The following PRSS3 variants were observed in gnomAD, a reference collection of about 807,000 sequenced individuals.
PRSS3 encodes the protein trypsin-3.
A neutral mutation model predicts 20.8 loss-of-function variants in PRSS3; 14 were observed. That is an observed-to-expected ratio of 0.67 (90% confidence interval 0.44 to 1.05). The LOEUF is 1.05. Among genes scored for constraint, PRSS3 ranks in the 50% least tolerant of loss-of-function variants. The probability of loss-of-function intolerance (pLI) is 0.00; values close to 1 mark genes in which losing one functional copy is unlikely to be tolerated. For synonymous variants in PRSS3, 91 were observed against 117.6 expected (o/e 0.77, Z 1.46); for missense variants, 237 against 306.4 (o/e 0.77, Z 1.69).
intron 1 of PRSS3, among the ~76,000 whole-genome samples, chr9:33,784,840 G>C (rs1263653827): frequency 6.6e-6 from 1 of 152,158 alleles, no homozygotes; most frequent in Non-Finnish European, 1.5e-5. Flanking sequence ...ATACTTGATA[G>C]TGTTGATATT....
At chr9:33,794,302 C>CA (rs986703979), upstream of PRSS3, among the ~76,000 whole-genome samples, 1 of 152,202 alleles carries the variant, frequency 6.6e-6, no homozygotes. Context: ...AACCTGAGCT[C>CA]AGAGTTGCTG....
chr9:33,785,160 A>AATTTTTTTT (rs1824338236), intron 1 of PRSS3, among the ~76,000 whole-genome samples: 3 of 72,500 alleles, frequency 4.1e-5, no homozygotes, highest in African/African-American at 2.3e-4. Flanking sequence ...ATTGTGGTCA[A>AATTTTTTTT]TTTTTTTTTT....
rs35501160 is a variant in PRSS3, at chr9:33,779,867, T to TAAA, written c.-52-14852_-52-14850dup. Among the ~76,000 whole-genome samples, 275 of 31,856 alleles carry TAAA rather than the reference T, an allele frequency of 8.6e-3. 38 individuals carry two copies. The highest frequency in any genetic ancestry group is 0.035 in the African/African-American group (213 of 6,144). The allele number at this position is 31,856 out of a possible 152,430, so 20.9% of individuals were successfully genotyped here. The stretch of plus-strand genomic sequence containing the variant: ...CTGGGTGACAGAGCGAGACTCTGTC[T>TAAA]AAAAAAAAAAAAAAAAAAAAAAAAA... On this transcript the variant is annotated intron_variant, in intron 1 of 5. Coordinates refer to the PRSS3 transcript ENST00000342836.
chr9:33,798,043 T>A lies in PRSS3; in HGVS notation c.415T>A (p.Cys139Ser). ...CACCCCTCCAGCTGCTGGCACTGAG[T>A]GCCTCATCTCCGGCTGGGGCAACAC... Reference protein sequence around the residue: ...PTTPPAAGTECLISGWGNTLS... With the variant: ...PTTPPAAGTESLISGWGNTLS... Residue 139 changes from cysteine to serine, a missense_variant, in exon 3 of 5, where the codon TGC becomes AGC. Coordinates refer to ENST00000379405, the MANE Select transcript of PRSS3 (RefSeq NM_002771.4). The A allele has an allele frequency of 6.2e-7, 1 of 1,614,264 alleles. No individual in the cohort carries two copies. The highest frequency in any genetic ancestry group is 8.5e-7 in the Non-Finnish European group (1 of 1,180,042).
intron 1 of PRSS3, among the ~76,000 whole-genome samples, chr9:33,760,873 T>C (rs1188986875): frequency 6.6e-6 from 1 of 151,094 alleles, no homozygotes; most frequent in Admixed American, 6.6e-5. Context: ...GTGTTCTTGT[T>C]AGATAGTGAG....
chr9:33,792,767 A>T (rs1033148190), upstream of PRSS3, among the ~76,000 whole-genome samples: 22 of 152,226 alleles, frequency 1.4e-4, no homozygotes, highest in African/African-American at 5.3e-4. Flanking sequence ...TTCTTAACTT[A>T]TATGAGTTAC....
At chr9:33,791,248 C>T (rs1247436591), upstream of PRSS3, among the ~76,000 whole-genome samples, 1 of 152,220 alleles carries the variant, frequency 6.6e-6, no homozygotes, top group African/African-American at 2.4e-5. Context: ...AAGCAAAGTG[C>T]AGAACCTGCT....
At chr9:33,757,251 A>T (rs1051613689) in intron 1 of PRSS3, among the ~76,000 whole-genome samples, 18 of 152,216 alleles carry the variant, frequency 1.2e-4, no homozygotes, top group African/African-American at 4.3e-4. Context: ...TTTCTATTGA[A>T]AAAGCTCTGA....
At chr9:33,790,241 A>G (rs1396360081) in intron 1 of PRSS3, among the ~76,000 whole-genome samples, 9 of 152,226 alleles carry the variant, frequency 5.9e-5, no homozygotes. Context: ...ATACAATTAG[A>G]TCATACAATA....
At chr9:33,767,318 A>G (rs1823478994) in intron 1 of PRSS3, among the ~76,000 whole-genome samples, 1 of 151,828 alleles carries the variant, frequency 6.6e-6, no homozygotes, top group Non-Finnish European at 1.5e-5. Context: ...GTAAAAAATA[A>G]AGGGAAATGT....
chr9:33,798,429 CCTT>C, intron 3 of PRSS3, 54 bp from the exon 4 acceptor site: 2 of 1,604,334 alleles, frequency 1.2e-6, no homozygotes, highest in South Asian at 1.1e-5. Flanking sequence ...ATTATTGTCT[CCTT>C]CTCTGGCCTC....
At chr9:33,798,873 G>A (rs1002458291) in intron 4 of PRSS3, 155 bp from the exon 5 acceptor site, 21 of 1,139,842 alleles carry the variant, frequency 1.8e-5, no homozygotes, top group East Asian at 2.4e-5. Context: ...TGTGCTGCAC[G>A]CTGCCTGCTT....
chr9:33,786,542 G>A, intron 1 of PRSS3: 1 of 765,584 alleles, frequency 1.3e-6, no homozygotes, highest in South Asian at 1.3e-5. Flanking sequence ...TGTGTTCAGT[G>A]CTGTCATCTC....
upstream of PRSS3, among the ~76,000 whole-genome samples, chr9:33,795,038 G>A (rs1824841048): frequency 6.6e-6 from 1 of 152,162 alleles, no homozygotes; most frequent in African/African-American, 2.4e-5. Context: ...CAAAGTCTTG[G>A]ATTTGACCTT....
intron 1 of PRSS3, among the ~76,000 whole-genome samples, chr9:33,779,177 C>T (rs778410872): frequency 6.6e-6 from 1 of 152,184 alleles, no homozygotes; most frequent in Non-Finnish European, 1.5e-5. Flanking sequence ...ATTCAAAAAA[C>T]CACAGCATCC....
At chr9:33,796,841 G>A (rs772094278) in intron 2 of PRSS3, 39 bp downstream of exon 2, 7 of 1,613,652 alleles carry the variant, frequency 4.3e-6, no homozygotes, top group African/African-American at 2.7e-5. Flanking sequence ...TCCCAGCCAG[G>A]CTGCCTGGGA....
intron 1 of PRSS3, among the ~76,000 whole-genome samples, chr9:33,758,677 C>G (rs1182001473): frequency 6.6e-6 from 1 of 152,118 alleles, no homozygotes; most frequent in Non-Finnish European, 1.5e-5. Flanking sequence ...AGAGGATTCG[C>G]ACATATGCTA....
chr9:33,765,026 T>C (rs1182679223), intron 1 of PRSS3, among the ~76,000 whole-genome samples: 1 of 152,208 alleles, frequency 6.6e-6, no homozygotes, highest in Non-Finnish European at 1.5e-5. Context: ...AAACTGGAAC[T>C]CTAATACATT....
At chr9:33,771,303 G>A (rs1233652744) in intron 1 of PRSS3, among the ~76,000 whole-genome samples, 1 of 151,152 alleles carries the variant, frequency 6.6e-6, no homozygotes, top group Non-Finnish European at 1.5e-5. Context: ...TGAGAGTGAG[G>A]GGTTTCTTTT....
Sources: gnomAD v4.1 joint callset for allele counts (sites outside exome capture counted in the v4.1 genomes callset) on GRCh38, gnomAD v4.1.1 for gene constraint, MANE v1.5 for transcripts, NCBI Gene and HGNC (gene_info 2026-07-23, HGNC 2026-07-21) for gene names.